AMD1: variants seen among roughly 807,000 people sequenced by gnomAD.
AMD1 encodes the protein adenosylmethionine decarboxylase 1, also known as S-adenosylmethionine decarboxylase proenzyme.
In AMD1, 11 loss-of-function variants were observed where a neutral mutation model predicts 40.2. The observed-to-expected ratio is 0.27, with a 90% confidence interval of 0.17 to 0.45. AMD1 has a LOEUF of 0.45. Among genes scored for constraint, AMD1 ranks in the 20% least tolerant of loss-of-function variants. The pLI is 1.00. For synonymous variants in AMD1, 121 were observed against 130.8 expected (o/e 0.93, Z 0.51); for missense variants, 257 against 410.2 (o/e 0.63, Z 3.23).
intron 3 of AMD1, 55 bp from the exon 4 acceptor site, chr6:110,890,199 A>C: frequency 2.3e-6 from 3 of 1,277,438 alleles, no homozygotes; most frequent in Non-Finnish European, 2.2e-6. Context: ...GAAAAGTGAT[A>C]GAATTCTACA....
Position 110,893,480 on chromosome 6 carries a change from C to G in AMD1, c.869C>G (p.Ser290Cys). The change falls in exon 9 of 9, where the codon TCT (serine) becomes TGT (cysteine). Residue 290 changes from serine (S) to cysteine (C), a missense_variant. Ser to Cys is a moderately radical substitution (Grantham distance 112). This residue lies in a region of AMD1 where 192 missense variants were observed against 296.5 expected (regional missense o/e 0.65). Coordinates refer to ENST00000368885, the MANE Select transcript of AMD1 (RefSeq NM_001634.6). ...FVTTLFVNQSSKCRTVLASPQ... is the reference protein window; with the variant it reads ...FVTTLFVNQSCKCRTVLASPQ... ...TTATTTAATTTTTTCCCCCAGAGTT[C>G]TAAATGTCGCACAGTGCTTGCTTCG... The G allele has an allele frequency of 1.2e-6, 2 of 1,613,656 alleles. No individual in the cohort carries two copies. Among genetic ancestry groups the G allele is most frequent in the South Asian group, 1.1e-5 (1 of 91,030 alleles).
chr6:110,842,088 C>T, the AMD1 span, among the ~76,000 whole-genome samples: 1 of 152,136 alleles, frequency 6.6e-6, no homozygotes, highest in Non-Finnish European at 1.5e-5. Context: ...TATGCATGAG[C>T]CATCTAGCCC....
the AMD1 span, among the ~76,000 whole-genome samples, chr6:110,862,489 C>T: frequency 7.0e-6 from 1 of 143,276 alleles, no homozygotes; most frequent in East Asian, 2.1e-4. Context: ...TTTTTTGAGA[C>T]AGAGTTTTGC....
In AMD1 at chr6:110,892,198, C is replaced by T; in HGVS notation, c.465C>T (p.Asp155=). ...ATTGTATGGGACGTATGAATTCTGA[C>T]TGTTGGTATGTTTAATGCAATTTTG... ...AAYCMGRMNS[D]CWYLYTLDFP... Residue 155 remains aspartate (D), a synonymous_variant, in exon 5 of 9, where the codon GAC becomes GAT. Coordinates refer to ENST00000368885, the MANE Select transcript of AMD1 (RefSeq NM_001634.6). The T allele has an allele frequency of 6.2e-7, 1 of 1,614,072 alleles. No homozygotes were observed. The highest frequency in any genetic ancestry group is 8.5e-7 in the Non-Finnish European group (1 of 1,180,042).
the AMD1 span, chr6:110,814,979 C>A: frequency 2.4e-5 from 38 of 1,597,556 alleles, 1 homozygote; most frequent in Non-Finnish European, 3.4e-6. Context: ...AGGACCCGAG[C>A]GAGCCTACTC....
At chr6:110,851,458 ATTGTTG>A in the AMD1 span, among the ~76,000 whole-genome samples, 3 of 150,032 alleles carry the variant, frequency 2.0e-5, no homozygotes, top group Non-Finnish European at 4.5e-5. Context: ...TGTTGTTTTC[ATTGTTG>A]TTGTTGTTGT....
At chr6:110,876,912 T>C (rs961169279) in intron 1 of AMD1, among the ~76,000 whole-genome samples, 20 of 152,222 alleles carry the variant, frequency 1.3e-4, no homozygotes, top group African/African-American at 4.8e-4. Flanking sequence ...TAAATAATAG[T>C]AAGTACATGT....
chr6:110,837,578 G>A, the AMD1 span, among the ~76,000 whole-genome samples: 1 of 150,186 alleles, frequency 6.7e-6, no homozygotes, highest in Non-Finnish European at 1.5e-5. Flanking sequence ...AAGTGTGATG[G>A]CAGGTGCCTG....
intron 1 of AMD1, among the ~76,000 whole-genome samples, chr6:110,881,598 T>G (rs1200967161): frequency 1.3e-5 from 2 of 152,052 alleles, no homozygotes; most frequent in Non-Finnish European, 2.9e-5. Context: ...GGTGGATTGC[T>G]TGAGGTCAGG....
the AMD1 span, chr6:110,858,706 C>A: frequency 6.0e-6 from 5 of 839,420 alleles, no homozygotes; most frequent in Non-Finnish European, 1.0e-5. Flanking sequence ...ACTTCGACGA[C>A]GCCACCATGA....
the AMD1 span, among the ~76,000 whole-genome samples, chr6:110,865,533 A>G: frequency 2.0e-5 from 3 of 151,972 alleles, no homozygotes; most frequent in South Asian, 6.2e-4. Flanking sequence ...AGCTCGGATT[A>G]TAGGCGTGTG....
intron 1 of AMD1, among the ~76,000 whole-genome samples, chr6:110,882,574 A>T (rs926719417): frequency 6.6e-6 from 1 of 152,172 alleles, no homozygotes; most frequent in Non-Finnish European, 1.5e-5. Flanking sequence ...ATGTACATGT[A>T]TAGCATTGTA....
chr6:110,819,946 C>T, the AMD1 span, among the ~76,000 whole-genome samples: 1 of 152,148 alleles, frequency 6.6e-6, no homozygotes, highest in African/African-American at 2.4e-5. Flanking sequence ...AGGAGACATC[C>T]TACCAGTGCC....
At chr6:110,888,749 A>C in intron 2 of AMD1, 108 bp from the exon 3 acceptor site, 2 of 1,115,450 alleles carry the variant, frequency 1.8e-6, no homozygotes. Flanking sequence ...TTGAGATCCT[A>C]ATATTTAAAA....
chr6:110,887,302 A>G (rs1785751330), intron 1 of AMD1, among the ~76,000 whole-genome samples: 1 of 152,126 alleles, frequency 6.6e-6, no homozygotes, highest in Non-Finnish European at 1.5e-5. Flanking sequence ...TAGTATAATG[A>G]CCAATTTTTG....
rs1235994812 is a variant in AMD1, at chr6:110,883,682, T to C, written c.111-3823T>C. Among the ~76,000 whole-genome samples the C allele has an allele frequency of 3.3e-5, 5 of 152,218 alleles. No individual in the cohort carries two copies. The East Asian group carries it at 5.8e-4, about 18-fold the overall frequency. ...TCTCGGCTCACTGCAAGCTCCGCCT[T>C]CCGGGTTCATGCCATTCTCCCGCCG... On this transcript the variant is annotated intron_variant, in intron 1 of 8. Transcript: ENST00000368885.
the AMD1 span, among the ~76,000 whole-genome samples, chr6:110,846,256 A>C: frequency 6.6e-6 from 1 of 152,102 alleles, no homozygotes; most frequent in Non-Finnish European, 1.5e-5. Flanking sequence ...ACAACAACAA[A>C]AACTGAATTT....
chr6:110,868,985 G>A, the AMD1 span, among the ~76,000 whole-genome samples: 9 of 151,764 alleles, frequency 5.9e-5, no homozygotes, highest in East Asian at 7.9e-4. Context: ...GCTTGAACCC[G>A]GGAGGCGGAG....
chr6:110,880,805 T>TG (rs1350346399), intron 1 of AMD1, among the ~76,000 whole-genome samples: 1 of 152,158 alleles, frequency 6.6e-6, no homozygotes, highest in African/African-American at 2.4e-5. Context: ...CACGAGTAGC[T>TG]GGGACTACAA....
Sources: allele counts gnomAD v4.1 joint callset (sites outside exome capture counted in the v4.1 genomes callset), GRCh38; gene constraint gnomAD v4.1.1; regional missense constraint gnomAD v4.1.1; transcripts MANE v1.5; gene names NCBI Gene and HGNC (gene_info 2026-07-23, HGNC 2026-07-21).